The following DUS4L variants were observed in gnomAD, a reference collection of about 807,000 sequenced individuals.
DUS4L encodes the protein dihydrouridine synthase 4 like.
In DUS4L, 31 loss-of-function variants were observed where a neutral mutation model predicts 33.8. The ratio of observed to expected loss-of-function variants is 0.92; its 90% CI spans 0.69 to 1.24. DUS4L has a LOEUF of 1.24. DUS4L is among the 50% of genes most tolerant of loss of function. The probability of loss-of-function intolerance (pLI) is 0.00; values close to 1 mark genes in which losing one functional copy is unlikely to be tolerated. For synonymous variants in DUS4L, 103 were observed against 120.3 expected (o/e 0.86, Z 0.94); for missense variants, 368 against 388.6 (o/e 0.95, Z 0.45).
intron 3 of DUS4L, among the ~76,000 whole-genome samples, chr7:107,568,823 T>G (rs1415228669): frequency 6.6e-6 from 1 of 152,274 alleles, no homozygotes; most frequent in East Asian, 1.9e-4. Flanking sequence ...AAGTCCATGA[T>G]CAATTTTGCA....
chr7:107,568,436 TA>T (rs1170474142), intron 3 of DUS4L, among the ~76,000 whole-genome samples: 1 of 152,240 alleles, frequency 6.6e-6, no homozygotes, highest in Non-Finnish European at 1.5e-5. Context: ...TGCATTTCCC[TA>T]ATGATTAATG....
intron 4 of DUS4L, among the ~76,000 whole-genome samples, chr7:107,572,045 C>G (rs1182604453): frequency 6.7e-6 from 1 of 150,028 alleles, no homozygotes; most frequent in East Asian, 2.0e-4. Context: ...TCATCCTCTA[C>G]TCATGTCCTC....
chr7:107,574,075 T>C (rs1271514033), intron 5 of DUS4L, among the ~76,000 whole-genome samples: 1 of 152,222 alleles, frequency 6.6e-6, no homozygotes, highest in Non-Finnish European at 1.5e-5. Context: ...AGAATTTTTA[T>C]GTGGCTGTGC....
intron 3 of DUS4L, chr7:107,570,746 C>G (rs1255903940): frequency 4.9e-6 from 1 of 205,748 alleles, no homozygotes; most frequent in East Asian, 1.7e-4. Flanking sequence ...TTCTGTCTTA[C>G]TAGGTCAGAC....
chr7:107,573,353 C>A (rs908635501), intron 4 of DUS4L, among the ~76,000 whole-genome samples: 1 of 152,126 alleles, frequency 6.6e-6, no homozygotes, highest in African/African-American at 2.4e-5. Flanking sequence ...GAACACTAGG[C>A]ACAGTGGTAT....
In DUS4L at chr7:107,577,233, T is replaced by C. The variant is rs1416434385; in HGVS notation, c.707-80T>C. The C allele has an allele frequency of 1.4e-5, 22 of 1,552,762 alleles. No individual in the cohort carries two copies. In the East Asian group the frequency reaches 1.6e-4, roughly 11 times the overall value. Reference sequence around the variant, plus strand: ...CTTGTGATAATACTTTTTAAAAATATACTGTTTGCTTCATTGAGCTTGAAC... The same window carrying C: ...CTTGTGATAATACTTTTTAAAAATACACTGTTTGCTTCATTGAGCTTGAAC... On this transcript the variant is annotated intron_variant, in intron 7 of 7. Transcript: ENST00000265720.
At position 107,564,003 on chromosome 7, in the gene DUS4L, CCTGGCGAA is replaced by C. The variant is rs747391288; in HGVS notation, c.-313_-306del. The C allele has an allele frequency of 3.1e-5, 49 of 1,555,668 alleles. No homozygotes were observed. In the East Asian group the frequency reaches 1.2e-3, roughly 37 times the overall value. Reference sequence around the variant, plus strand: ...CACCCAGCCCATGGCTCCAGGCCCACCTGGCGAACTGACTCTCAGCCCGCGCCTGGGCT... The same window carrying C: ...CACCCAGCCCATGGCTCCAGGCCCACCTGACTCTCAGCCCGCGCCTGGGCT... On this transcript the variant is annotated 5_prime_UTR_variant, in exon 1 of 8. The change abolishes the stop of an existing upstream ORF in the 5' untranslated region. Coordinates refer to ENST00000265720, the MANE Select transcript of DUS4L (RefSeq NM_181581.3).
At chr7:107,576,871 C>A (rs1805802207) in intron 7 of DUS4L, 2 of 332,972 alleles carry the variant, frequency 6.0e-6, no homozygotes, top group South Asian at 5.9e-5. Flanking sequence ...TAAAATAAAG[C>A]ACCTAGAAAT....
chr7:107,564,808 C>T (rs1804450464), intron 2 of DUS4L, 132 bp downstream of exon 2: 1 of 152,176 alleles, frequency 6.6e-6, no homozygotes, highest in Non-Finnish European at 1.5e-5. Flanking sequence ...TAAGCTTCTT[C>T]GCAAAAAGAA....
At chr7:107,577,107 T>C in intron 7 of DUS4L, 1 of 598,792 alleles carries the variant, frequency 1.7e-6, no homozygotes, top group Non-Finnish European at 2.7e-6. Flanking sequence ...AATAAAGATT[T>C]CTGTACGTAC....
intron 7 of DUS4L, chr7:107,576,915 A>C (rs1585002647): frequency 3.3e-6 from 1 of 298,814 alleles, no homozygotes; most frequent in East Asian, 7.3e-5. Context: ...ATAAGAGCTA[A>C]AGGAATCCCA....
rs142513217 is a variant in DUS4L, at chr7:107,578,270, T to G, written c.*710T>G. ...TAGTAACCAGGTTTTGTTTTTAACT[T>G]TAAAACCTAATTACTTTTGTGCCTC... On this transcript the variant is annotated 3_prime_UTR_variant, in exon 8 of 8. Transcript: ENST00000265720. The G allele has an allele frequency of 6.6e-6, 1 of 152,360 alleles. No individual in the cohort carries two copies. Among genetic ancestry groups the G allele is most frequent in the African/African-American group, 2.4e-5 (1 of 41,584 alleles). The allele number at this position is 152,360 out of a possible 1,614,324, so 9.4% of individuals were successfully genotyped here.
At chr7:107,569,171 C>G (rs1305976968) in intron 3 of DUS4L, among the ~76,000 whole-genome samples, 1 of 152,158 alleles carries the variant, frequency 6.6e-6, no homozygotes, top group Non-Finnish European at 1.5e-5. Context: ...CCACTGCACT[C>G]CAGCCTGGGC....
intron 6 of DUS4L, 145 bp downstream of exon 6, chr7:107,575,455 G>C: frequency 1.1e-6 from 1 of 876,192 alleles, no homozygotes; most frequent in Non-Finnish European, 1.6e-6. Context: ...AAGACATTTA[G>C]TAAAAGAATA....
At chr7:107,570,347 C>T (rs1047813097) in intron 3 of DUS4L, 1 of 152,112 alleles carries the variant, frequency 6.6e-6, no homozygotes, top group African/African-American at 2.4e-5. Context: ...CTCATTACTG[C>T]GGGGCAGTGA....
chr7:107,576,992 G>A (rs555338294), intron 7 of DUS4L: 3 of 309,208 alleles, frequency 9.7e-6, no homozygotes, highest in African/African-American at 4.3e-5. Flanking sequence ...TTGCTAGATG[G>A]GAGAATATAG....
intron 6 of DUS4L, 26 bp downstream of exon 6, chr7:107,575,336 A>T (rs1454784313): frequency 8.1e-6 from 13 of 1,606,642 alleles, no homozygotes; most frequent in Non-Finnish European, 1.1e-5. Flanking sequence ...CAATCTATTG[A>T]TAGGATAATC....
chr7:107,571,152 T>C lies in DUS4L; in HGVS notation c.124T>C (p.Phe42Leu). 4 of 1,613,544 alleles carry C rather than the reference T, an allele frequency of 2.5e-6. No individual in the cohort carries two copies. Among genetic ancestry groups the C allele is most frequent in the Non-Finnish European group, 3.4e-6 (4 of 1,179,854 alleles). The change falls in exon 4 of 8, where the codon TTT becomes CTT. Residue 42 changes from phenylalanine to leucine, a missense_variant. By Grantham distance (22) the Phe-to-Leu change is conservative. Coordinates refer to ENST00000265720, the MANE Select transcript of DUS4L (RefSeq NM_181581.3). ...APMVRYSKLA[F>L]RTLVRKYSCD... ...GGTTTTATATGCTCACAGGTTGGCT[T>C]TTAGGACACTAGTAAGAAAATATAG... is the stretch of plus-strand genomic sequence containing the variant.
chr7:107,564,551 G>C (rs1409771396), intron 1 of DUS4L, 37 bp from the exon 2 acceptor site: 1 of 152,946 alleles, frequency 6.5e-6, no homozygotes, highest in Non-Finnish European at 1.5e-5. Context: ...CTTCCCATGA[G>C]ACCTTTGACC....
Sources: gnomAD v4.1 joint callset for allele counts (sites outside exome capture counted in the v4.1 genomes callset) on GRCh38, gnomAD v4.1.1 for gene constraint, MANE v1.5 for transcripts, NCBI Gene and HGNC (gene_info 2026-07-23, HGNC 2026-07-21) for gene names.